The following LOC128706666 variants were observed in gnomAD, a reference collection of about 807,000 sequenced individuals.
At chr20:10,417,652 T>C in the LOC128706666 span, among the ~76,000 whole-genome samples, 2 of 137,784 alleles carry the variant, frequency 1.5e-5, no homozygotes, top group Non-Finnish European at 3.1e-5. Flanking sequence ...CTACTGCTAC[T>C]GCACTGTAGC....
chr20:10,423,915 T>C, the LOC128706666 span, among the ~76,000 whole-genome samples: 2 of 152,218 alleles, frequency 1.3e-5, no homozygotes, highest in Middle Eastern at 3.2e-3. Context: ...GATTAATTGC[T>C]TTAATGTTTA....
At chr20:10,432,639 CA>C in the LOC128706666 span, among the ~76,000 whole-genome samples, 2 of 152,070 alleles carry the variant, frequency 1.3e-5, no homozygotes, top group African/African-American at 4.8e-5. Context: ...CTAAAAAATA[CA>C]AAAATTAGCC....
chr20:10,425,584 C>T, the LOC128706666 span, among the ~76,000 whole-genome samples: 1 of 152,178 alleles, frequency 6.6e-6, no homozygotes, highest in Non-Finnish European at 1.5e-5. Context: ...TTACAGTTTG[C>T]CTTGAGATGG....
At chr20:10,420,151 G>C in the LOC128706666 span, among the ~76,000 whole-genome samples, 1 of 151,924 alleles carries the variant, frequency 6.6e-6, no homozygotes, top group African/African-American at 2.4e-5. Flanking sequence ...GTTAAGAAAT[G>C]AATACAATTA....
the LOC128706666 span, among the ~76,000 whole-genome samples, chr20:10,429,325 C>T: frequency 6.6e-6 from 1 of 152,168 alleles, no homozygotes; most frequent in African/African-American, 2.4e-5. Context: ...TAATAGCCTG[C>T]TGGTTTCCAT....
chr20:10,424,561 C>T, the LOC128706666 span, among the ~76,000 whole-genome samples: 2 of 151,544 alleles, frequency 1.3e-5, no homozygotes, highest in South Asian at 2.1e-4. Context: ...ACCTTACTAG[C>T]AAAGCTCATT....
At chr20:10,416,661 G>A in the LOC128706666 span, among the ~76,000 whole-genome samples, 1 of 152,092 alleles carries the variant, frequency 6.6e-6, no homozygotes, top group Admixed American at 6.6e-5. Context: ...TGCATTTTGG[G>A]GTAACTGAAT....
chr20:10,426,918 A>T, the LOC128706666 span, among the ~76,000 whole-genome samples: 1 of 152,096 alleles, frequency 6.6e-6, no homozygotes, highest in Non-Finnish European at 1.5e-5. Context: ...CTCAGTATAG[A>T]ATGACAGCAA....
At chr20:10,415,814 T>C in the LOC128706666 span, among the ~76,000 whole-genome samples, 1 of 152,228 alleles carries the variant, frequency 6.6e-6, no homozygotes, top group Non-Finnish European at 1.5e-5. Flanking sequence ...CCTCTGTCAG[T>C]CTTACAGTAG....
the LOC128706666 span, among the ~76,000 whole-genome samples, chr20:10,429,468 A>C: frequency 6.6e-6 from 1 of 152,224 alleles, no homozygotes; most frequent in Non-Finnish European, 1.5e-5. Context: ...TTAGACCCAC[A>C]TAATAAACTG....
At chr20:10,429,532 T>C in the LOC128706666 span, among the ~76,000 whole-genome samples, 2 of 152,080 alleles carry the variant, frequency 1.3e-5, no homozygotes, top group Non-Finnish European at 2.9e-5. Flanking sequence ...ATTCATCTCA[T>C]ATAAAAATAA....
chr20:10,416,444 T>C, the LOC128706666 span, among the ~76,000 whole-genome samples: 1 of 151,934 alleles, frequency 6.6e-6, no homozygotes, highest in Non-Finnish European at 1.5e-5. Context: ...AGGAGTCAAC[T>C]TGGAGAGGAT....
At chr20:10,427,069 C>CACACACACACACAA in the LOC128706666 span, among the ~76,000 whole-genome samples, 1 of 125,878 alleles carries the variant, frequency 7.9e-6, no homozygotes, top group South Asian at 2.4e-4. Context: ...CACACACACA[C>CACACACACACACAA]ACACACACAC....
At chr20:10,424,211 T>G in the LOC128706666 span, among the ~76,000 whole-genome samples, 1 of 151,942 alleles carries the variant, frequency 6.6e-6, no homozygotes, top group Non-Finnish European at 1.5e-5. Flanking sequence ...CATTGGCATA[T>G]AATGAGACCT....
At chr20:10,427,029 G>GACACAGACACACACAC in the LOC128706666 span, among the ~76,000 whole-genome samples, 1 of 130,724 alleles carries the variant, frequency 7.6e-6, no homozygotes, top group Non-Finnish European at 1.6e-5. Flanking sequence ...AGAAAACACT[G>GACACAGACACACACAC]ACACACACAC....
chr20:10,430,033 A>G, the LOC128706666 span, among the ~76,000 whole-genome samples: 1 of 113,388 alleles, frequency 8.8e-6, no homozygotes, highest in African/African-American at 2.8e-5. Context: ...TTGCAAAACA[A>G]AAAACAAAAA....
At chr20:10,430,926 G>A in the LOC128706666 span, among the ~76,000 whole-genome samples, 2 of 152,164 alleles carry the variant, frequency 1.3e-5, no homozygotes, top group Non-Finnish European at 2.9e-5. Flanking sequence ...TTTTACATAA[G>A]AGCAAAAGCA....
At chr20:10,428,258 C>G in the LOC128706666 span, among the ~76,000 whole-genome samples, 1 of 152,160 alleles carries the variant, frequency 6.6e-6, no homozygotes, top group Non-Finnish European at 1.5e-5. Context: ...CCATTTGATG[C>G]TGGTGATTGG....
At chr20:10,424,846 G>A in the LOC128706666 span, among the ~76,000 whole-genome samples, 1 of 152,126 alleles carries the variant, frequency 6.6e-6, no homozygotes, top group Non-Finnish European at 1.5e-5. Context: ...GAGGTCAGGA[G>A]TTTGAGACCA....
Sources: gnomAD v4.1 joint callset for allele counts (sites outside exome capture counted in the v4.1 genomes callset) on GRCh38, gnomAD v4.1.1 for gene constraint, MANE v1.5 for transcripts.